Variants in PUS7 observed in about 807,000 individuals in gnomAD.
The protein encoded by PUS7 is pseudouridylate synthase 7 homolog.
In PUS7, 48 loss-of-function variants were observed where a neutral mutation model predicts 79.8. The observed-to-expected ratio is 0.60, with a 90% CI of 0.48 to 0.76. PUS7 has a LOEUF of 0.76. Among genes scored for constraint, PUS7 ranks in the 30% least tolerant of loss-of-function variants. The probability of loss-of-function intolerance (pLI) is 0.00; values close to 1 mark genes in which losing one functional copy is unlikely to be tolerated. For synonymous variants in PUS7, 286 were observed against 272.2 expected (o/e 1.05, Z -0.50); for missense variants, 729 against 797.6 (o/e 0.91, Z 1.04).
At chr7:105,459,054 A>G (rs920046445) in intron 15 of PUS7, 114 bp downstream of exon 15, 3 of 547,426 alleles carry the variant, frequency 5.5e-6, no homozygotes, top group East Asian at 6.1e-5. Flanking sequence ...AAACACAACA[A>G]TGAAATCATG....
rs1360477548 is a variant in PUS7 at position 105,506,155 on chromosome 7, C to T, written c.483+34G>A. 4 of 1,572,004 alleles carry T rather than the reference C, an allele frequency of 2.5e-6. No homozygotes were observed. The East Asian group carries it at 6.7e-5, about 26-fold the overall frequency. On this transcript the variant is annotated intron_variant, in intron 3 of 15. Transcript: ENST00000469408. ...ATCTCTAGGAAATGCTATTTTTATA[C>T]AGAAGGTGACATTTGCTAAAGAGCT...
At chr7:105,505,018 T>TTTTTTTTTTTTTTTTTTTTTTTTTGA in intron 4 of PUS7, among the ~76,000 whole-genome samples, 1 of 150,258 alleles carries the variant, frequency 6.7e-6, no homozygotes, top group South Asian at 2.2e-4. Flanking sequence ...TTTTTTTTTT[T>TTTTTTTTTTTTTTTTTTTTTTTTTGA]GATATGGAGT....
Position 105,462,726 on chromosome 7 carries a change from A to C in PUS7, c.1652T>G (p.Leu551Arg). Residue 551 changes from leucine (L) to arginine (R), a missense_variant, in exon 14 of 16, where the codon CTC becomes CGC. Transcript: ENST00000469408. ...HKIQEAYREM[L>R]TADNLDIDNM... ...GTCAATATCAAGATTGTCAGCTGTGAGCATTTCCCTGTAGGCTTCTTGAAC... is the reference window on the plus strand; with the variant it reads ...GTCAATATCAAGATTGTCAGCTGTGCGCATTTCCCTGTAGGCTTCTTGAAC... 1 of 1,613,456 alleles carries C rather than the reference A, an allele frequency of 6.2e-7. No homozygotes were observed. The highest frequency in any genetic ancestry group is 8.5e-7 in the Non-Finnish European group (1 of 1,179,898).
At chr7:105,471,943 T>C (rs1823891341) in intron 10 of PUS7, among the ~76,000 whole-genome samples, 189 bp downstream of exon 10, 1 of 146,234 alleles carries the variant, frequency 6.8e-6, no homozygotes, top group Non-Finnish European at 1.5e-5. Flanking sequence ...AAATAGGATA[T>C]AAATTATAAA....
chr7:105,465,522 C>T, intron 12 of PUS7, 108 bp from the exon 13 acceptor site: 1 of 827,340 alleles, frequency 1.2e-6, no homozygotes, highest in Non-Finnish European at 1.9e-6. Context: ...CAAGTTGGTA[C>T]AGGTTCAGTG....
chr7:105,519,918 C>A (rs1826038361), intron 1 of PUS7, among the ~76,000 whole-genome samples: 1 of 152,128 alleles, frequency 6.6e-6, no homozygotes, highest in South Asian at 2.1e-4. Flanking sequence ...GACCTGAAAC[C>A]GGAGCAAACT....
intron 1 of PUS7, among the ~76,000 whole-genome samples, chr7:105,514,857 T>C (rs984514890): frequency 6.6e-6 from 1 of 151,234 alleles, no homozygotes; most frequent in African/African-American, 2.4e-5. Flanking sequence ...AGTGGCGCAA[T>C]CTCGGCTCAC....
intron 1 of PUS7, among the ~76,000 whole-genome samples, chr7:105,520,728 AT>A (rs1380362362): frequency 6.6e-6 from 1 of 151,974 alleles, no homozygotes; most frequent in African/African-American, 2.4e-5. Context: ...TCTAAAAAAA[AT>A]AAATCAAAAA....
intron 1 of PUS7, among the ~76,000 whole-genome samples, chr7:105,513,335 T>A (rs987922779): frequency 1.1e-4 from 16 of 152,202 alleles, no homozygotes; most frequent in African/African-American, 3.9e-4. Context: ...AATATTCACC[T>A]CCTCTCCTTA....
At chr7:105,501,294 A>C (rs1438740378) in intron 5 of PUS7, among the ~76,000 whole-genome samples, 1 of 152,216 alleles carries the variant, frequency 6.6e-6, no homozygotes, top group Non-Finnish European at 1.5e-5. Context: ...CTAGGAATAA[A>C]TGTTCATTAA....
At chr7:105,490,862 TC>T (rs1485270228) in intron 7 of PUS7, among the ~76,000 whole-genome samples, 4 of 152,182 alleles carry the variant, frequency 2.6e-5, no homozygotes, top group African/African-American at 9.7e-5. Flanking sequence ...CTAGAGACAT[TC>T]TTTGCTATCA....
intron 1 of PUS7, among the ~76,000 whole-genome samples, chr7:105,515,084 G>A (rs546427565): frequency 1.7e-4 from 26 of 152,236 alleles, no homozygotes; most frequent in Non-Finnish European, 2.4e-4. Flanking sequence ...GTGAGCCACC[G>A]CGCCTGGCCT....
rs1272553724 is a variant in PUS7, at chr7:105,495,210, G to A, written c.774C>T (p.Cys258=). 1.2e-6 allele frequency: 2 copies of A among 1,612,566 alleles called. No homozygotes were observed. Among genetic ancestry groups the A allele is most frequent in the Non-Finnish European group, 8.5e-7 (1 of 1,179,154 alleles). ...HSWPKSRGSY[C]HFVLYKENKD... ...TGTTTTCCTTATATAGTACGAAGTG[G>A]CAGTAACTTCCCCTAGATTTTGGCC... Residue 258 remains cysteine, a synonymous_variant, in exon 6 of 16, where the codon TGC becomes TGT. Transcript: ENST00000469408.
intron 9 of PUS7, among the ~76,000 whole-genome samples, chr7:105,476,514 C>T (rs11976423): frequency 0.036 from 5,545 of 152,160 alleles, 125 homozygotes; most frequent in Admixed American, 0.057. Flanking sequence ...TGTGCCACCA[C>T]GCCCGGCTAA....
intron 7 of PUS7, among the ~76,000 whole-genome samples, chr7:105,488,035 T>C (rs1043763568): frequency 1.3e-5 from 2 of 152,162 alleles, no homozygotes; most frequent in African/African-American, 4.8e-5. Context: ...GGGTGTAGCC[T>C]GTATCCGTGA....
intron 1 of PUS7, among the ~76,000 whole-genome samples, chr7:105,515,449 G>T (rs1825857381): frequency 6.6e-6 from 1 of 152,034 alleles, no homozygotes; most frequent in Non-Finnish European, 1.5e-5. Flanking sequence ...TGACGTTTTT[G>T]ATTATTTTAG....
intron 4 of PUS7, among the ~76,000 whole-genome samples, chr7:105,503,282 G>A (rs1696817966): frequency 6.6e-6 from 1 of 152,102 alleles, no homozygotes; most frequent in Non-Finnish European, 1.5e-5. Flanking sequence ...GACACCTTAG[G>A]GATCCTACAT....
intron 7 of PUS7, among the ~76,000 whole-genome samples, chr7:105,487,868 A>T (rs1015021126): frequency 6.6e-6 from 1 of 152,190 alleles, no homozygotes; most frequent in African/African-American, 2.4e-5. Context: ...GTGGCTTTAG[A>T]GTTTCATGAA....
chr7:105,471,772 C>T (rs1823882320), intron 10 of PUS7, among the ~76,000 whole-genome samples: 1 of 152,052 alleles, frequency 6.6e-6, no homozygotes, highest in African/African-American at 2.4e-5. Flanking sequence ...ATGACCCAGG[C>T]ATGGTGCTGC....
Sources: allele counts gnomAD v4.1 joint callset (sites outside exome capture counted in the v4.1 genomes callset), GRCh38; gene constraint gnomAD v4.1.1; transcripts MANE v1.5; gene names NCBI Gene and HGNC (gene_info 2026-07-23, HGNC 2026-07-21).